Variants in GNAL observed in about 807,000 individuals in gnomAD.
GNAL encodes the protein G protein subunit alpha L.
Under a neutral mutation model 55.1 loss-of-function variants are expected in GNAL, and 18 were observed. The ratio of observed to expected loss-of-function variants is 0.33; its 90% CI spans 0.23 to 0.48. GNAL has a LOEUF of 0.48. Among genes scored for constraint, GNAL ranks in the 20% least tolerant of loss-of-function variants. GNAL has a pLI of 0.99. For synonymous variants in GNAL, 253 were observed against 237.0 expected (o/e 1.07, Z -0.62); for missense variants, 412 against 614.1 (o/e 0.67, Z 3.48).
intron 4 of GNAL, among the ~76,000 whole-genome samples, chr18:11,798,931 G>C (rs1374162097): frequency 6.6e-6 from 1 of 151,928 alleles, no homozygotes; most frequent in Non-Finnish European, 1.5e-5. Context: ...GGCCAACATA[G>C]TGAAACCCCA....
intron 5 of GNAL, among the ~76,000 whole-genome samples, chr18:11,861,482 C>T (rs1267724905): frequency 1.3e-5 from 2 of 152,218 alleles, no homozygotes; most frequent in Admixed American, 6.5e-5. Context: ...GCTGGGGACT[C>T]CCAGGTGGAC....
At chr18:11,824,800 C>T (rs2143649751) in intron 4 of GNAL, 118 bp from the exon 5 acceptor site, 1 of 604,896 alleles carries the variant, frequency 1.7e-6, no homozygotes, top group South Asian at 2.1e-5. Context: ...CAGACTTCCA[C>T]AAAGAAAATC....
At chr18:11,869,530 C>G (rs1165852790) in intron 9 of GNAL, among the ~76,000 whole-genome samples, 4 of 152,190 alleles carry the variant, frequency 2.6e-5, no homozygotes, top group Admixed American at 1.3e-4. Flanking sequence ...TTATATTCGG[C>G]CTTCCATATC....
chr18:11,770,381 C>T (rs2143272539), intron 4 of GNAL, among the ~76,000 whole-genome samples: 1 of 152,202 alleles, frequency 6.6e-6, no homozygotes, highest in Admixed American at 6.5e-5. Flanking sequence ...TTAGAATCAT[C>T]TCTGAAAAAA....
At chr18:11,808,324 G>A (rs1334853980) in intron 4 of GNAL, among the ~76,000 whole-genome samples, 1 of 152,168 alleles carries the variant, frequency 6.6e-6, no homozygotes, top group African/African-American at 2.4e-5. Context: ...TGTGGCTGGA[G>A]CAGAAGGCCA....
chr18:11,734,344 T>G (rs2032413487), intron 1 of GNAL, among the ~76,000 whole-genome samples: 1 of 151,994 alleles, frequency 6.6e-6, no homozygotes, highest in Non-Finnish European at 1.5e-5. Flanking sequence ...GGTTTCATCA[T>G]GTTGGCCAGG....
chr18:11,815,171 T>C (rs758205088), intron 4 of GNAL, among the ~76,000 whole-genome samples: 1 of 152,186 alleles, frequency 6.6e-6, no homozygotes, highest in African/African-American at 2.4e-5. Flanking sequence ...GTGATAGATA[T>C]AGTAGTTACC....
chr18:11,813,299 T>G (rs1327538979), intron 4 of GNAL, among the ~76,000 whole-genome samples: 3 of 150,106 alleles, frequency 2.0e-5, no homozygotes, highest in Non-Finnish European at 4.4e-5. Context: ...ACATGTTCAA[T>G]TATGTTCATG....
At chr18:11,880,268 AAAAC>A (rs964198722) in intron 11 of GNAL, among the ~76,000 whole-genome samples, 4 of 146,208 alleles carry the variant, frequency 2.7e-5, no homozygotes, top group African/African-American at 7.6e-5. Flanking sequence ...AACAAACAAA[AAAAC>A]AAACAAGCTA....
At chr18:11,840,217 A>G (rs906209075) in intron 5 of GNAL, among the ~76,000 whole-genome samples, 9 of 152,336 alleles carry the variant, frequency 5.9e-5, no homozygotes, top group African/African-American at 1.9e-4. Flanking sequence ...TTCTCATTCT[A>G]TTCGATATTT....
intron 1 of GNAL, among the ~76,000 whole-genome samples, chr18:11,703,624 T>A (rs2031630918): frequency 6.6e-6 from 1 of 152,232 alleles, no homozygotes; most frequent in Non-Finnish European, 1.5e-5. Flanking sequence ...CATGCCGAGC[T>A]GTGGTTGATC....
intron 7 of GNAL, 36 bp from the exon 8 acceptor site, chr18:11,867,132 C>G: frequency 6.5e-7 from 1 of 1,534,174 alleles, no homozygotes; most frequent in Non-Finnish European, 9.0e-7. Context: ...TCCCCTGCTT[C>G]CCCCAAATAA....
chr18:11,703,118 A>AAAAAC (rs1283265556), intron 1 of GNAL, among the ~76,000 whole-genome samples: 1 of 152,234 alleles, frequency 6.6e-6, no homozygotes, highest in Non-Finnish European at 1.5e-5. Flanking sequence ...ACTCCGTCTC[A>AAAAAC]AAAACAAAAC....
intron 1 of GNAL, among the ~76,000 whole-genome samples, chr18:11,748,607 C>A (rs1356171712): frequency 6.6e-6 from 1 of 152,108 alleles, no homozygotes; most frequent in East Asian, 1.9e-4. Context: ...TAAATCTGAA[C>A]AAGTGGAAAT....
intron 5 of GNAL, chr18:11,854,259 A>G (rs2035951551): frequency 6.0e-6 from 1 of 167,108 alleles, no homozygotes; most frequent in African/African-American, 2.4e-5. Flanking sequence ...AGATTAAACA[A>G]TGCTTGTATA....
chr18:11,864,680 G>A, intron 7 of GNAL, 74 bp downstream of exon 7: 1 of 843,804 alleles, frequency 1.2e-6, no homozygotes. Flanking sequence ...TGAGGTTTAA[G>A]GGGGCTTCAT....
intron 11 of GNAL, 39 bp from the exon 12 acceptor site, chr18:11,880,950 G>A: frequency 5.0e-6 from 8 of 1,596,516 alleles, no homozygotes; most frequent in Non-Finnish European, 6.0e-6. Context: ...AGTACATGCT[G>A]GGGCCGCGCA....
chr18:11,841,616 G>C (rs1309016039), intron 5 of GNAL, among the ~76,000 whole-genome samples: 2 of 144,270 alleles, frequency 1.4e-5, no homozygotes, highest in Non-Finnish European at 3.0e-5. Flanking sequence ...CTGCACTTCA[G>C]CCTGGGCAAC....
chr18:11,690,158 A>T (rs1045200387), intron 1 of GNAL, among the ~76,000 whole-genome samples: 1 of 152,024 alleles, frequency 6.6e-6, no homozygotes, highest in African/African-American at 2.4e-5. Context: ...GGAGGACACT[A>T]CGGGCTGATT....
Sources: allele counts gnomAD v4.1 joint callset (sites outside exome capture counted in the v4.1 genomes callset), GRCh38; gene constraint gnomAD v4.1.1; transcripts MANE v1.5; gene names NCBI Gene and HGNC (gene_info 2026-07-23, HGNC 2026-07-21).